MAN1A2: variants seen among roughly 807,000 people sequenced by gnomAD.
MAN1A2 encodes mannosidase alpha class 1A member 2.
MAN1A2 carries 26 observed loss-of-function variants against 75.7 expected under a neutral mutation model. The observed-to-expected ratio is 0.34, with a 90% confidence interval of 0.25 to 0.48. The LOEUF (loss-of-function observed/expected upper bound fraction) is 0.48, where lower values mean the gene tolerates loss of function less well. Ranked by LOEUF, MAN1A2 falls within the 20% of genes least tolerant of loss-of-function variation. The pLI is 0.99. For synonymous variants in MAN1A2, 247 were observed against 264.6 expected, an observed-to-expected ratio of 0.93 and a Z score of 0.65; for missense variants, 562 against 775.5, an observed-to-expected ratio of 0.72 and a Z score of 3.27.
intron 8 of MAN1A2, among the ~76,000 whole-genome samples, chr1:117,477,391 A>C (rs1205199159): frequency 1.3e-5 from 2 of 152,066 alleles, no homozygotes; most frequent in East Asian, 3.9e-4. Context: ...ATCCTCAATA[A>C]AATACTGGCA....
At chr1:117,499,236 C>T (rs1182074345) in intron 10 of MAN1A2, 146 bp from the exon 11 acceptor site, 1 of 463,824 alleles carries the variant, frequency 2.2e-6, no homozygotes, top group Non-Finnish European at 3.7e-6. Flanking sequence ...TTTAAAATGA[C>T]TCATTTTGCA....
chr1:117,434,030 A>G (rs747073059), intron 5 of MAN1A2, among the ~76,000 whole-genome samples: 2 of 152,244 alleles, frequency 1.3e-5, no homozygotes, highest in Non-Finnish European at 2.9e-5. Flanking sequence ...GACAGATAGA[A>G]TGACAGTTTC....
At chr1:117,427,515 C>T (rs1648417300) in intron 5 of MAN1A2, among the ~76,000 whole-genome samples, 1 of 152,136 alleles carries the variant, frequency 6.6e-6, no homozygotes. Context: ...AGTATTCCAA[C>T]ATACATATAA....
At chr1:117,464,432 A>G (rs1460218528) in intron 7 of MAN1A2, among the ~76,000 whole-genome samples, 2 of 152,128 alleles carry the variant, frequency 1.3e-5, no homozygotes, top group Non-Finnish European at 2.9e-5. Flanking sequence ...CATAACACCA[A>G]ATAGGAAGAA....
intron 12 of MAN1A2, among the ~76,000 whole-genome samples, chr1:117,520,342 A>C (rs1651836941): frequency 6.6e-6 from 1 of 152,036 alleles, no homozygotes; most frequent in African/African-American, 2.4e-5. Context: ...CAAAAGAAAG[A>C]AAGGGCATCC....
chr1:117,380,804 A>T (rs1653309243), intron 1 of MAN1A2, among the ~76,000 whole-genome samples: 1 of 152,156 alleles, frequency 6.6e-6, no homozygotes, highest in South Asian at 2.1e-4. Context: ...GAAGTGTTCC[A>T]GGTTTGTTAT....
chr1:117,466,799 G>A (rs796328017), intron 8 of MAN1A2, among the ~76,000 whole-genome samples: 7 of 152,160 alleles, frequency 4.6e-5, no homozygotes, highest in African/African-American at 1.4e-4. Context: ...TTACTAGAAG[G>A]GGGGCAGTTG....
chr1:117,490,036 G>T (rs1650831515), intron 8 of MAN1A2, among the ~76,000 whole-genome samples: 1 of 151,834 alleles, frequency 6.6e-6, no homozygotes, highest in Admixed American at 6.6e-5. Context: ...AAGGAGTGTG[G>T]TTGCCTTGGG....
At chr1:117,485,250 A>T (rs1650635921) in intron 8 of MAN1A2, among the ~76,000 whole-genome samples, 1 of 151,994 alleles carries the variant, frequency 6.6e-6, no homozygotes, top group African/African-American at 2.4e-5. Context: ...TAAGAAGTTA[A>T]GCATGTATAG....
At chr1:117,520,952 A>G (rs1250165536) in intron 12 of MAN1A2, among the ~76,000 whole-genome samples, 1 of 152,110 alleles carries the variant, frequency 6.6e-6, no homozygotes, top group African/African-American at 2.4e-5. Context: ...ACAGCATGAT[A>G]CTTGTATAAA....
At chr1:117,463,934 C>T (rs1307925115) in intron 7 of MAN1A2, among the ~76,000 whole-genome samples, 1 of 151,990 alleles carries the variant, frequency 6.6e-6, no homozygotes, top group Non-Finnish European at 1.5e-5. Flanking sequence ...GGAATAAAAG[C>T]AAGAGATAGT....
intron 4 of MAN1A2, among the ~76,000 whole-genome samples, chr1:117,417,437 T>G (rs1465647843): frequency 4.7e-5 from 7 of 149,906 alleles, no homozygotes. Flanking sequence ...TTTGTTTTCC[T>G]TATTTTGGAT....
At chr1:117,376,268 C>T (rs964387523) in intron 1 of MAN1A2, among the ~76,000 whole-genome samples, 2 of 151,858 alleles carry the variant, frequency 1.3e-5, no homozygotes, top group South Asian at 4.1e-4. Flanking sequence ...AAGATGGATG[C>T]TGCGGTCAAG....
intron 3 of MAN1A2, among the ~76,000 whole-genome samples, chr1:117,412,147 T>C (rs6686707): frequency 0.61 from 92,292 of 151,494 alleles, 28,442 homozygotes; most frequent in Non-Finnish European, 0.65. Context: ...ATGAAACTTC[T>C]AGAATATGGT....
At chr1:117,429,983 C>T (rs1463638662) in intron 5 of MAN1A2, among the ~76,000 whole-genome samples, 7 of 59,912 alleles carry the variant, frequency 1.2e-4, no homozygotes, top group Non-Finnish European at 1.4e-4. Flanking sequence ...GGGCGGAGGG[C>T]TGACCCCCCC....
intron 2 of MAN1A2, 69 bp downstream of exon 2, chr1:117,402,510 AT>A: frequency 4.3e-6 from 6 of 1,392,430 alleles, no homozygotes; most frequent in Middle Eastern, 1.9e-4. Context: ...AATATATATA[AT>A]CTATGGTATC....
chr1:117,465,285 A>C (rs1302897998), intron 7 of MAN1A2, among the ~76,000 whole-genome samples: 1 of 152,184 alleles, frequency 6.6e-6, no homozygotes, highest in Non-Finnish European at 1.5e-5. Context: ...AATAGTATAC[A>C]GTTTTTGGAT....
rs546783996 is a variant in MAN1A2, at chr1:117,521,517, A to C, written c.1794-1308A>C. 5.8e-3 allele frequency among the ~76,000 whole-genome samples: 878 copies of C among 152,122 alleles called. 10 individuals carry two copies. Among genetic ancestry groups the C allele is most frequent in the African/African-American group, 0.02 (834 of 41,544 alleles). On this transcript the variant is annotated intron_variant, in intron 12 of 12. Transcript: ENST00000356554. ...CAAGAATGGCCATAATCAAAAAATC[A>C]AAAAACACTATATGTGGGCGTGGAT...
chr1:117,439,769 A>G (rs971732243), intron 5 of MAN1A2, among the ~76,000 whole-genome samples: 4 of 152,184 alleles, frequency 2.6e-5, no homozygotes, highest in Admixed American at 1.3e-4. Flanking sequence ...TGCTGGGATG[A>G]TAGGGGTGAG....
Sources: allele counts gnomAD v4.1 joint callset (sites outside exome capture counted in the v4.1 genomes callset), GRCh38; gene constraint gnomAD v4.1.1; transcripts MANE v1.5; gene names NCBI Gene and HGNC (gene_info 2026-07-23, HGNC 2026-07-21).